The following CFAP20DC variants were observed in gnomAD, a reference collection of about 807,000 sequenced individuals.
The protein encoded by CFAP20DC is CFAP20 domain containing, also known as protein CFAP20DC.
CFAP20DC carries 84 observed loss-of-function variants against 101.7 expected under a neutral mutation model. The ratio of observed to expected loss-of-function variants is 0.83; its 90% CI spans 0.69 to 0.99. The LOEUF (loss-of-function observed/expected upper bound fraction) is 0.99. CFAP20DC is among the 50% of genes least tolerant of loss of function. The probability of loss-of-function intolerance (pLI) is 0.00; values close to 1 mark genes in which losing one functional copy is unlikely to be tolerated. For synonymous variants in CFAP20DC, 359 were observed against 351.2 expected, an observed-to-expected ratio of 1.02 and a Z score of -0.25; for missense variants, 1,007 against 970.3, an observed-to-expected ratio of 1.04 and a Z score of -0.50.
chr3:58,842,836 C>T (rs1179877139), intron 13 of CFAP20DC, among the ~76,000 whole-genome samples: 2 of 152,246 alleles, frequency 1.3e-5, no homozygotes, highest in Non-Finnish European at 2.9e-5. Context: ...AGACTGCCTC[C>T]TCAAGTGGGT....
intron 4 of CFAP20DC, among the ~76,000 whole-genome samples, chr3:59,000,742 G>T (rs1011059381): frequency 1.3e-5 from 2 of 152,136 alleles, no homozygotes; most frequent in African/African-American, 4.8e-5. Context: ...AACACAGAAG[G>T]TTTTGTTCCA....
intron 4 of CFAP20DC, among the ~76,000 whole-genome samples, chr3:58,974,692 G>A (rs1279883820): frequency 5.3e-5 from 8 of 152,080 alleles, no homozygotes; most frequent in African/African-American, 4.8e-5. Flanking sequence ...TTGGGGCCTC[G>A]AATTCTGGGT....
intron 4 of CFAP20DC, among the ~76,000 whole-genome samples, chr3:58,938,354 TTTA>T (rs1458642658): frequency 6.6e-6 from 1 of 152,158 alleles, no homozygotes; most frequent in African/African-American, 2.4e-5. Flanking sequence ...CTTTAATAGA[TTTA>T]GACCACAGCC....
intron 7 of CFAP20DC, among the ~76,000 whole-genome samples, chr3:58,879,320 ATG>A (rs1488073718): frequency 1.3e-5 from 2 of 152,182 alleles, no homozygotes; most frequent in Non-Finnish European, 2.9e-5. Context: ...TACAATTATT[ATG>A]TGTCAATCAT....
At position 58,874,664 on chromosome 3, in the gene CFAP20DC, A is replaced by T. The variant is rs2080583435; in HGVS notation, c.716-4355T>A. ...TCTTGACCTTTATGCCTCAGTTCAC[A>T]TATCATTTCCTCAGACAAGTCTTTG... On this transcript the variant is annotated intron_variant, in intron 7 of 16. Coordinates refer to ENST00000482387, the MANE Select transcript of CFAP20DC (RefSeq NM_001394063.1). This position sits in a 1 kb window ranked among gnomAD's most constrained non-coding sequence, Gnocchi z 5.1. 6.6e-6 allele frequency among the ~76,000 whole-genome samples: 1 copy of T among 152,124 alleles called. No homozygotes were observed. The highest frequency in any genetic ancestry group is 6.5e-5 in the Admixed American group (1 of 15,274).
At chr3:58,853,492 G>C (rs1253750865) in intron 12 of CFAP20DC, among the ~76,000 whole-genome samples, 4 of 152,234 alleles carry the variant, frequency 2.6e-5, no homozygotes, top group African/African-American at 9.6e-5. Flanking sequence ...TATGAGGCCA[G>C]CATCATCCTG....
intron 4 of CFAP20DC, among the ~76,000 whole-genome samples, chr3:59,000,235 C>G (rs538724012): frequency 6.6e-6 from 1 of 152,104 alleles, no homozygotes; most frequent in Non-Finnish European, 1.5e-5. Flanking sequence ...TTTCTTTTAG[C>G]GAGGCTCTCT....
intron 14 of CFAP20DC, among the ~76,000 whole-genome samples, chr3:58,826,298 A>C (rs1355808788): frequency 2.0e-5 from 3 of 152,190 alleles, no homozygotes; most frequent in African/African-American, 7.2e-5. Flanking sequence ...TTTAGAGTAA[A>C]AAATGAATTT....
intron 13 of CFAP20DC, among the ~76,000 whole-genome samples, chr3:58,840,898 T>C (rs948366592): frequency 2.0e-5 from 3 of 152,194 alleles, no homozygotes; most frequent in Non-Finnish European, 4.4e-5. Flanking sequence ...CAAGGTTGCA[T>C]AGATAAGAAA....
chr3:58,880,015 A>G (rs2081105687), intron 7 of CFAP20DC, among the ~76,000 whole-genome samples: 1 of 151,936 alleles, frequency 6.6e-6, no homozygotes, highest in Non-Finnish European at 1.5e-5. Flanking sequence ...TTTTAATTTT[A>G]TAGCAAGTCT....
Position 58,913,681 on chromosome 3 carries a change from A to G in CFAP20DC, c.550+27T>C. The G allele has an allele frequency of 6.2e-7, 1 of 1,611,884 alleles. No homozygotes were observed. On this transcript the variant is annotated intron_variant, in intron 6 of 16. Transcript: ENST00000482387. The surrounding 1 kb of genome is among the most constrained non-coding windows in gnomAD (Gnocchi z 4.4). ...TTTTAAAAATACATCAGAGAATTAA[A>G]AAATCTTGATAGCAACCTGAACATA...
chr3:58,980,201 T>C (rs1185748423), intron 4 of CFAP20DC, among the ~76,000 whole-genome samples: 2 of 152,154 alleles, frequency 1.3e-5, no homozygotes, highest in African/African-American at 2.4e-5. Flanking sequence ...GTCTGAGTTG[T>C]CTGCCTCCCA....
rs1044675120 is a variant in CFAP20DC, at chr3:59,010,205, T to C, written c.278+29352A>G. 8.5e-5 allele frequency among the ~76,000 whole-genome samples: 13 copies of C among 152,152 alleles called. No homozygotes were observed. The East Asian group carries it at 2.5e-3, about 29-fold the overall frequency. On this transcript the variant is annotated intron_variant, in intron 4 of 16. Coordinates refer to ENST00000482387, the MANE Select transcript of CFAP20DC (RefSeq NM_001394063.1). ...ATGACAAATAGAATAGTACCTCACA[T>C]CTGAATACTAACATTGAATGTAACT...
chr3:58,896,105 T>C (rs2082651313), intron 6 of CFAP20DC, among the ~76,000 whole-genome samples: 1 of 152,212 alleles, frequency 6.6e-6, no homozygotes, highest in Admixed American at 6.5e-5. Flanking sequence ...CTCAATTTCT[T>C]CCTGGTTCAC....
intron 4 of CFAP20DC, among the ~76,000 whole-genome samples, chr3:59,021,540 C>T (rs1221420816): frequency 6.6e-6 from 1 of 152,110 alleles, no homozygotes; most frequent in Non-Finnish European, 1.5e-5. Flanking sequence ...CTTACAACCT[C>T]TAAAATTGAA....
At chr3:58,974,908 C>T (rs1402540671) in intron 4 of CFAP20DC, among the ~76,000 whole-genome samples, 1 of 152,186 alleles carries the variant, frequency 6.6e-6, no homozygotes, top group Non-Finnish European at 1.5e-5. Context: ...CCACTGGACA[C>T]TCTCCTCTGT....
intron 14 of CFAP20DC, among the ~76,000 whole-genome samples, chr3:58,818,606 A>G (rs1289863285): frequency 1.4e-5 from 2 of 146,906 alleles, no homozygotes; most frequent in Non-Finnish European, 3.0e-5. Context: ...CTAAATATAT[A>G]TGCACCCAAT....
At chr3:59,030,253 G>A (rs773480218) in intron 4 of CFAP20DC, among the ~76,000 whole-genome samples, 1 of 152,208 alleles carries the variant, frequency 6.6e-6, no homozygotes, top group Non-Finnish European at 1.5e-5. Flanking sequence ...TGAGGGTGCT[G>A]AAAGAAAGCC....
chr3:59,047,552 C>A (rs1395280345), intron 1 of CFAP20DC, among the ~76,000 whole-genome samples: 1 of 152,172 alleles, frequency 6.6e-6, no homozygotes, highest in Non-Finnish European at 1.5e-5. Context: ...TTGACACATA[C>A]AGATCATTCT....
Sources: gnomAD v4.1 joint callset for allele counts (sites outside exome capture counted in the v4.1 genomes callset) on GRCh38, gnomAD v4.1.1 for gene constraint, Gnocchi (gnomAD v3.1) non-coding constraint, MANE v1.5 for transcripts, NCBI Gene and HGNC (gene_info 2026-07-23, HGNC 2026-07-21) for gene names.